The following CSMD3 variants were observed in gnomAD, a reference collection of about 807,000 sequenced individuals.
The protein encoded by CSMD3 is CUB and Sushi multiple domains 3, also known as CUB and sushi domain-containing protein 3.
CSMD3 carries 177 observed loss-of-function variants against 435.2 expected under a neutral mutation model. The ratio of observed to expected loss-of-function variants is 0.41; its 90% CI spans 0.36 to 0.46. The LOEUF is 0.46. Among genes scored for constraint, CSMD3 ranks in the 20% least tolerant of loss-of-function variants. The pLI, the probability that CSMD3 is intolerant of heterozygous loss-of-function variation, is 0.34. For synonymous variants in CSMD3, 1,656 were observed against 1,520.5 expected (o/e 1.09, Z -2.07); for missense variants, 4,265 against 4,504.6 (o/e 0.95, Z 1.52).
At chr8:113,427,918 T>C (rs767800095) in intron 1 of CSMD3, among the ~76,000 whole-genome samples, 1 of 151,700 alleles carries the variant, frequency 6.6e-6, no homozygotes, top group Non-Finnish European at 1.5e-5. Flanking sequence ...TAAATTTATC[T>C]GCATTCACAA....
At chr8:113,088,576 T>C (rs1430026191) in intron 5 of CSMD3, among the ~76,000 whole-genome samples, 3 of 151,780 alleles carry the variant, frequency 2.0e-5, no homozygotes, top group Non-Finnish European at 2.9e-5. Flanking sequence ...TGGATGAAGC[T>C]GGAAATCATC....
chr8:113,010,572 T>C (rs896315136), intron 6 of CSMD3, among the ~76,000 whole-genome samples: 3 of 151,826 alleles, frequency 2.0e-5, no homozygotes, highest in African/African-American at 7.2e-5. Context: ...CTATTTATTG[T>C]AGTTGGTACA....
chr8:113,277,859 A>T (rs2132453982), intron 3 of CSMD3, among the ~76,000 whole-genome samples: 1 of 152,076 alleles, frequency 6.6e-6, no homozygotes, highest in African/African-American at 2.4e-5. Context: ...TGCCATCAGA[A>T]TTATTTTTGC....
chr8:112,848,437 A>G (rs1434292344), intron 11 of CSMD3, among the ~76,000 whole-genome samples: 1 of 152,114 alleles, frequency 6.6e-6, no homozygotes, highest in Non-Finnish European at 1.5e-5. Flanking sequence ...TATTTATACA[A>G]TAAATGTTAA....
rs189251054 is a variant in CSMD3, at chr8:112,523,548, T to C, written c.4565-6323A>G. On this transcript the variant is annotated intron_variant, in intron 27 of 70. Transcript: ENST00000297405. ...AGCTTTATTGCCTTATATTTTTGTA[T>C]TGGCTAAAAAATGACACTGTATTCT... Among the ~76,000 whole-genome samples the C allele has an allele frequency of 5.9e-3, 892 of 152,088 alleles. 4 individuals are homozygous for C. Among genetic ancestry groups the C allele is most frequent in the African/African-American group, 0.02 (812 of 41,532 alleles).
intron 10 of CSMD3, among the ~76,000 whole-genome samples, chr8:112,867,411 G>A (rs922699688): frequency 3.3e-5 from 5 of 152,074 alleles, no homozygotes; most frequent in Admixed American, 6.5e-5. Flanking sequence ...TTCAAACTTC[G>A]TTCATGCGTT....
intron 10 of CSMD3, among the ~76,000 whole-genome samples, chr8:112,870,932 GT>G (rs1000036765): frequency 6.6e-6 from 1 of 152,062 alleles, no homozygotes; most frequent in African/African-American, 2.4e-5. Flanking sequence ...AAAAGGAATT[GT>G]TTTACTTACA....
chr8:112,292,909 T>C (rs1026817753), intron 54 of CSMD3, among the ~76,000 whole-genome samples, 199 bp from the exon 55 acceptor site: 8 of 152,178 alleles, frequency 5.3e-5, no homozygotes, highest in South Asian at 2.1e-4. Context: ...ACAGCATGAT[T>C]ATATTAGTAA....
chr8:113,377,255 A>T (rs561345441), intron 1 of CSMD3: 1 of 422,440 alleles, frequency 2.4e-6, no homozygotes, highest in South Asian at 4.8e-5. Context: ...CAAACCGTGG[A>T]GCCTACCCTC....
Position 112,304,861 on chromosome 8 carries a change from A to G in CSMD3, c.8126T>C (p.Ile2709Thr), listed in dbSNP as rs747995649. 9 of 1,613,874 alleles carry G rather than the reference A, an allele frequency of 5.6e-6. No individual in the cohort carries two copies. Among genetic ancestry groups the G allele is most frequent in the South Asian group, 1.1e-5 (1 of 91,082 alleles). Reference sequence around the variant, plus strand: ...GTATTCATAATGGGAGCCATTCACAATTCGCCATCTTCCATGTTCCAAGAT... The same window carrying G: ...GTATTCATAATGGGAGCCATTCACAGTTCGCCATCTTCCATGTTCCAAGAT... ...SFILEHGRWR[I>T]VNGSHYEYKT... Residue 2709 changes from isoleucine (I) to threonine (T), a missense_variant, in exon 52 of 71, where the codon ATT becomes ACT. Ile to Thr is a moderately conservative substitution (Grantham distance 89). This residue lies in a region of CSMD3 where 3,255 missense variants were observed against 3,380.2 expected (regional missense o/e 0.96). Transcript: ENST00000297405.
intron 3 of CSMD3, among the ~76,000 whole-genome samples, chr8:113,255,794 A>C (rs931515657): frequency 6.6e-6 from 1 of 151,844 alleles, no homozygotes; most frequent in African/African-American, 2.4e-5. Flanking sequence ...GTTTGTCTCT[A>C]AGTGTATTTC....
In CSMD3 at chr8:112,405,246, T is replaced by TATAC. The variant is rs1199452249; in HGVS notation, c.5809+1277_5809+1278insGTAT. On this transcript the variant is annotated intron_variant, in intron 35 of 70. Transcript: ENST00000297405. ...ATATATATATATATATATATATATATACATATATATATACACATATCTTAT... is the reference window on the plus strand; with the variant it reads ...ATATATATATATATATATATATATATATACACATATATATATACACATATCTTAT... Among the ~76,000 whole-genome samples the TATAC allele has an allele frequency of 1.2e-3, 97 of 81,516 alleles. 1 individual carries two copies. The highest frequency in any genetic ancestry group is 4.7e-3 in the African/African-American group (89 of 18,752). 53.5% of individuals were successfully genotyped at this position (81,516 alleles called of 152,430 possible). A position where few individuals can be genotyped will look rare whatever the true frequency, so the allele number is the denominator to read the frequency against.
chr8:112,670,853 T>C (rs1469249491), intron 16 of CSMD3, among the ~76,000 whole-genome samples: 1 of 152,116 alleles, frequency 6.6e-6, no homozygotes, highest in Non-Finnish European at 1.5e-5. Flanking sequence ...TCAAAATTGG[T>C]TGATGTTCAA....
chr8:112,543,771 T>G (rs1179143255), intron 27 of CSMD3, among the ~76,000 whole-genome samples: 1 of 152,192 alleles, frequency 6.6e-6, no homozygotes, highest in East Asian at 1.9e-4. Flanking sequence ...GAGGAGGTAT[T>G]AGTATTCCTA....
At chr8:112,745,856 T>C (rs1168671216) in intron 13 of CSMD3, among the ~76,000 whole-genome samples, 1 of 152,140 alleles carries the variant, frequency 6.6e-6, no homozygotes, top group Non-Finnish European at 1.5e-5. Flanking sequence ...TCTAAGAACA[T>C]GTTTATTTCC....
intron 38 of CSMD3, among the ~76,000 whole-genome samples, chr8:112,375,547 T>A (rs1205015148): frequency 6.6e-6 from 1 of 152,138 alleles, no homozygotes; most frequent in African/African-American, 2.4e-5. Flanking sequence ...TAGCACCTAT[T>A]ATGTGTTAAT....
intron 5 of CSMD3, among the ~76,000 whole-genome samples, chr8:113,062,428 C>T (rs866078810): frequency 2.6e-5 from 4 of 151,768 alleles, no homozygotes; most frequent in African/African-American, 9.7e-5. Context: ...AGAAATGAAA[C>T]GTATTTGTTA....
At chr8:112,806,074 A>T (rs2079078139) in intron 12 of CSMD3, among the ~76,000 whole-genome samples, 1 of 145,714 alleles carries the variant, frequency 6.9e-6, no homozygotes, top group African/African-American at 2.5e-5. Context: ...TGTAGGCCTT[A>T]AAAAAAAAAA....
chr8:112,378,445 G>A (rs1323200175), intron 38 of CSMD3, among the ~76,000 whole-genome samples: 2 of 152,054 alleles, frequency 1.3e-5, no homozygotes, highest in East Asian at 3.9e-4. Flanking sequence ...GAATGGATAA[G>A]GAAAATGTGG....
Sources: allele counts gnomAD v4.1 joint callset (sites outside exome capture counted in the v4.1 genomes callset), GRCh38; gene constraint gnomAD v4.1.1; regional missense constraint gnomAD v4.1.1; transcripts MANE v1.5; gene names NCBI Gene and HGNC (gene_info 2026-07-23, HGNC 2026-07-21).